SYNRG: variants seen among roughly 807,000 people sequenced by gnomAD.
SYNRG encodes the protein synergin gamma, also known as AP1 gamma subunit binding protein 1.
A neutral mutation model predicts 130.9 loss-of-function variants in SYNRG; 37 were observed. The observed-to-expected ratio is 0.28, with a 90% CI of 0.22 to 0.37. The LOEUF is 0.37. Among genes scored for constraint, SYNRG ranks in the 10% least tolerant of loss-of-function variants. The pLI is 1.00. For synonymous variants in SYNRG, 539 were observed against 568.1 expected, an observed-to-expected ratio of 0.95 and a Z score of 0.73; for missense variants, 1,338 against 1,588.9, an observed-to-expected ratio of 0.84 and a Z score of 2.68.
intron 3 of SYNRG, among the ~76,000 whole-genome samples, chr17:37,594,763 T>C (rs2062608760): frequency 6.6e-6 from 1 of 151,956 alleles, no homozygotes; most frequent in Non-Finnish European, 1.5e-5. Context: ...CCCAGCCATT[T>C]GCTACCTTTA....
intron 19 of SYNRG, among the ~76,000 whole-genome samples, chr17:37,535,122 A>G (rs1302646537): frequency 6.6e-6 from 1 of 152,238 alleles, no homozygotes; most frequent in African/African-American, 2.4e-5. Flanking sequence ...TAAATCTATT[A>G]CAAATATGAA....
intron 19 of SYNRG, among the ~76,000 whole-genome samples, chr17:37,525,767 A>G (rs1006468553): frequency 1.3e-5 from 2 of 152,194 alleles, no homozygotes; most frequent in Admixed American, 6.5e-5. Flanking sequence ...GGCTTTGGAG[A>G]CCAGCCTGGC....
chr17:37,555,613 T>C (rs1267975439), intron 13 of SYNRG, among the ~76,000 whole-genome samples: 1 of 152,150 alleles, frequency 6.6e-6, no homozygotes, highest in Non-Finnish European at 1.5e-5. Context: ...AATATAGTTA[T>C]GCCAAGGCCG....
chr17:37,520,730 G>T, intron 19 of SYNRG, 82 bp from the exon 20 acceptor site: 1 of 1,161,252 alleles, frequency 8.6e-7, no homozygotes, highest in Non-Finnish European at 1.3e-6. Context: ...CTCACCCCCA[G>T]CAGGCCTAGC....
intron 11 of SYNRG, among the ~76,000 whole-genome samples, chr17:37,566,045 G>C (rs1421997708): frequency 6.9e-6 from 1 of 145,980 alleles, no homozygotes; most frequent in Admixed American, 6.8e-5. Context: ...CAGCCGTCCC[G>C]TCCGGGAGGT....
intron 6 of SYNRG, among the ~76,000 whole-genome samples, chr17:37,578,323 T>A (rs577904397): frequency 4.6e-5 from 7 of 150,940 alleles, no homozygotes; most frequent in South Asian, 2.1e-4. Flanking sequence ...AGTGCAAGAC[T>A]CTGTCTCAAA....
At chr17:37,559,290 T>A (rs2145591181) in intron 13 of SYNRG, among the ~76,000 whole-genome samples, 1 of 152,280 alleles carries the variant, frequency 6.6e-6, no homozygotes, top group South Asian at 2.1e-4. Context: ...TTTTTAATAA[T>A]GTTATTCTAG....
chr17:37,564,676 T>C (rs986104139), intron 11 of SYNRG, among the ~76,000 whole-genome samples: 3 of 152,238 alleles, frequency 2.0e-5, no homozygotes, highest in African/African-American at 7.2e-5. Context: ...TGGTCTTTCC[T>C]AGGCTTAGCT....
chr17:37,579,453 C>G (rs2061113405), intron 6 of SYNRG: 1 of 1,294,354 alleles, frequency 7.7e-7, no homozygotes, highest in Admixed American at 2.4e-5. Context: ...TGGAAAATGG[C>G]AATGAAACAC....
intron 14 of SYNRG, among the ~76,000 whole-genome samples, chr17:37,544,557 C>T (rs1435053122): frequency 3.3e-5 from 5 of 152,034 alleles, no homozygotes; most frequent in African/African-American, 1.2e-4. Context: ...TCAGGTGATC[C>T]GCCCGTCTCG....
intron 14 of SYNRG, among the ~76,000 whole-genome samples, chr17:37,550,909 G>A (rs1377107537): frequency 1.3e-5 from 2 of 152,070 alleles, no homozygotes; most frequent in Non-Finnish European, 2.9e-5. Flanking sequence ...TTAGTCAGGG[G>A]GAAAAAACAG....
chr17:37,551,952 TA>T (rs2058742523), intron 14 of SYNRG, among the ~76,000 whole-genome samples: 1 of 150,104 alleles, frequency 6.7e-6, no homozygotes, highest in African/African-American at 2.5e-5. Flanking sequence ...ATTTGAAAAA[TA>T]CCTTAGCAAG....
At chr17:37,555,837 C>T (rs887546084) in intron 13 of SYNRG, among the ~76,000 whole-genome samples, 3 of 152,004 alleles carry the variant, frequency 2.0e-5, no homozygotes, top group Admixed American at 6.6e-5. Context: ...ACCTGGGAGG[C>T]GGAGCTTGCA....
At chr17:37,523,419 C>T (rs2055394461) in intron 19 of SYNRG, among the ~76,000 whole-genome samples, 1 of 152,200 alleles carries the variant, frequency 6.6e-6, no homozygotes, top group Non-Finnish European at 1.5e-5. Context: ...CTCAGCTTTC[C>T]AAAGTGTTGG....
intron 19 of SYNRG, chr17:37,529,903 T>G: frequency 6.6e-7 from 1 of 1,519,814 alleles, no homozygotes; most frequent in Non-Finnish European, 8.9e-7. Context: ...GAAATCTAGT[T>G]TTCAAGTGTT....
At chr17:37,549,493 T>A (rs893537921) in intron 14 of SYNRG, among the ~76,000 whole-genome samples, 8 of 152,182 alleles carry the variant, frequency 5.3e-5, no homozygotes, top group Admixed American at 5.2e-4. Context: ...AAGAATTTGC[T>A]TTATGTACTA....
chr17:37,553,416 T>C lies in SYNRG; in HGVS notation c.2307A>G (p.Ser769=), dbSNP rs2058854365. 4 of 1,614,116 alleles carry C rather than the reference T, an allele frequency of 2.5e-6. No homozygotes were observed. Among genetic ancestry groups the C allele is most frequent in the Non-Finnish European group, 3.4e-6 (4 of 1,180,042 alleles). Residue 769 remains serine (S), a synonymous_variant, in exon 14 of 22, where the codon TCA becomes TCG. Transcript: ENST00000612223. ...GVEDLKDNTP[S]GKSDDDFADF... is the part of the protein sequence containing the mutation. ...CAGCAAAATCATCATCACTTTTTCCTGAAGGAGTGTTATCTTTCAGGTCTT... is the reference window on the plus strand; with the variant it reads ...CAGCAAAATCATCATCACTTTTTCCCGAAGGAGTGTTATCTTTCAGGTCTT...
rs1400031080 is a variant in SYNRG, at chr17:37,568,806, G to A, written c.1466C>T (p.Ser489Phe). 1 of 1,613,936 alleles carries A rather than the reference G, an allele frequency of 6.2e-7. No homozygotes were observed. Among genetic ancestry groups the A allele is most frequent in the Admixed American group, 1.7e-5 (1 of 60,016 alleles). The change falls in exon 11 of 22, where the codon TCC becomes TTC. Residue 489 changes from serine to phenylalanine, a missense_variant. By Grantham distance (155) the Ser-to-Phe change is radical. Around this residue, in one of 3 missense-constraint regions of SYNRG, gnomAD observed 1,146 missense variants for 1,342.3 expected, o/e 0.85. Coordinates refer to ENST00000612223, the MANE Select transcript of SYNRG (RefSeq NM_007247.6). ...ELPASSKTSN[S>F]QHGNSAPSLL... ...TCTTTTCTACCTGTTTCCATGCTGG[G>A]AGTTACTTGTTTTTGAAGAAGCAGG...
intron 19 of SYNRG, among the ~76,000 whole-genome samples, chr17:37,535,110 T>C (rs1479713308): frequency 3.3e-5 from 5 of 152,162 alleles, no homozygotes; most frequent in African/African-American, 9.7e-5. Context: ...TATATATGTA[T>C]ATAAATCTAT....
Sources: gnomAD v4.1 joint callset for allele counts (sites outside exome capture counted in the v4.1 genomes callset) on GRCh38, gnomAD v4.1.1 for gene constraint, gnomAD v4.1.1 regional missense constraint, MANE v1.5 for transcripts, NCBI Gene and HGNC (gene_info 2026-07-23, HGNC 2026-07-21) for gene names.